CRISPLD1: variants seen among roughly 807,000 people sequenced by gnomAD.
CRISPLD1 encodes the protein cysteine rich secretory protein LCCL domain containing 1, also known as cysteine-rich secretory protein LCCL domain-containing 1.
In CRISPLD1, 60 loss-of-function variants were observed where a neutral mutation model predicts 77.5. The observed-to-expected ratio is 0.77, with a 90% confidence interval of 0.63 to 0.96. CRISPLD1 has a LOEUF of 0.96. CRISPLD1 is among the 40% of genes least tolerant of loss of function. CRISPLD1 has a pLI of 0.00. For synonymous variants in CRISPLD1, 195 were observed against 200.1 expected (o/e 0.97, Z 0.22); for missense variants, 623 against 615.8 (o/e 1.01, Z -0.12).
chr8:75,007,663 CTTTT>C (rs34289550), intron 2 of CRISPLD1, among the ~76,000 whole-genome samples: 1 of 89,320 alleles, frequency 1.1e-5, no homozygotes, highest in African/African-American at 4.8e-5. Context: ...GAACCATCGA[CTTTT>C]TTTTTTTTTT....
chr8:75,027,968 A>G (rs993183090), intron 13 of CRISPLD1, among the ~76,000 whole-genome samples: 4 of 152,214 alleles, frequency 2.6e-5, no homozygotes, highest in African/African-American at 9.6e-5. Flanking sequence ...TGCCTGCTGA[A>G]TCTATAATTG....
intron 13 of CRISPLD1, 86 bp from the exon 14 acceptor site, chr8:75,029,301 C>T (rs1813289744): frequency 7.4e-7 from 1 of 1,355,644 alleles, no homozygotes; most frequent in Non-Finnish European, 1.0e-6. Context: ...ATGTCAGCGA[C>T]TTCAGTCTAT....
At chr8:75,006,644 G>A (rs1812835912) in intron 2 of CRISPLD1, among the ~76,000 whole-genome samples, 1 of 152,020 alleles carries the variant, frequency 6.6e-6, no homozygotes, top group South Asian at 2.1e-4. Context: ...AGCGGTTAGG[G>A]TGTTAAGCTA....
At chr8:75,017,654 C>T (rs902559908) in intron 10 of CRISPLD1, among the ~76,000 whole-genome samples, 3 of 152,064 alleles carry the variant, frequency 2.0e-5, no homozygotes, top group Non-Finnish European at 4.4e-5. Context: ...TTTTAATGGG[C>T]ATGCTAAAAC....
At chr8:75,019,564 G>T (rs915823072) in intron 10 of CRISPLD1, among the ~76,000 whole-genome samples, 16 of 151,860 alleles carry the variant, frequency 1.1e-4, no homozygotes, top group East Asian at 1.9e-4. Context: ...GTATGTGAGG[G>T]TTTTAATTTT....
At chr8:75,014,736 A>G in intron 5 of CRISPLD1, 76 bp from the exon 6 acceptor site, 1 of 901,362 alleles carries the variant, frequency 1.1e-6, no homozygotes, top group East Asian at 2.8e-5. Context: ...GAATGTTCAT[A>G]TATAGTGATG....
intron 4 of CRISPLD1, 103 bp downstream of exon 4, chr8:75,013,125 T>TA: frequency 5.5e-6 from 5 of 906,652 alleles, no homozygotes; most frequent in South Asian, 4.1e-5. Context: ...ATATGGTTAT[T>TA]AAAAAAATTT....
rs1462611797 is a variant in CRISPLD1 at position 75,032,219 on chromosome 8, T to C, written c.1480T>C (p.Phe494Leu). 1 of 1,608,558 alleles carries C rather than the reference T, an allele frequency of 6.2e-7. No individual in the cohort carries two copies. Among genetic ancestry groups the C allele is most frequent in the Non-Finnish European group, 8.5e-7 (1 of 1,176,722 alleles). Residue 494 changes from phenylalanine (F) to leucine (L), a missense_variant, in exon 15 of 15, where the codon TTC becomes CTC. Coordinates refer to ENST00000262207, the MANE Select transcript of CRISPLD1 (RefSeq NM_031461.6). ...ACAGAATCCTCCAGGAGGAAAGGCATTCAGAGTGTTTGCTGTTGTGTGAAA... is the reference window on the plus strand; with the variant it reads ...ACAGAATCCTCCAGGAGGAAAGGCACTCAGAGTGTTTGCTGTTGTGTGAAA... Reference protein sequence around the residue: ...SLQNPPGGKAFRVFAVV With the variant: ...SLQNPPGGKALRVFAVV
chr8:74,988,153 C>T (rs4472488), intron 2 of CRISPLD1, among the ~76,000 whole-genome samples: 66,692 of 151,994 alleles, frequency 0.44, 17,372 homozygotes, highest in African/African-American at 0.74. Context: ...ACATTTAAGG[C>T]GAAGTCTAAA....
intron 2 of CRISPLD1, among the ~76,000 whole-genome samples, chr8:74,994,510 A>G (rs1367906708): frequency 1.3e-5 from 2 of 152,184 alleles, no homozygotes; most frequent in Non-Finnish European, 2.9e-5. Flanking sequence ...GGTTGCAGAG[A>G]TTCCAGAAAT....
intron 1 of CRISPLD1, 24 bp from the exon 2 acceptor site, chr8:74,985,902 T>C: frequency 7.0e-7 from 1 of 1,420,790 alleles, no homozygotes; most frequent in Non-Finnish European, 9.5e-7. Flanking sequence ...ATTTTCATCT[T>C]AATCACATGA....
chr8:75,020,860 C>T (rs1370361987), intron 12 of CRISPLD1, among the ~76,000 whole-genome samples: 4 of 151,924 alleles, frequency 2.6e-5, no homozygotes, highest in African/African-American at 9.7e-5. Context: ...TTCTCTTTTA[C>T]AAGATTATAA....
intron 2 of CRISPLD1, among the ~76,000 whole-genome samples, chr8:75,010,353 C>T (rs761868310): frequency 4.6e-5 from 7 of 151,994 alleles, no homozygotes; most frequent in Non-Finnish European, 8.8e-5. Flanking sequence ...TTCCTTTTGG[C>T]GTATTGACAT....
Position 75,025,610 on chromosome 8 carries a change from GT to G in CRISPLD1, c.1312del (p.Tyr438IlefsTer26). 1 of 1,567,352 alleles carries G rather than the reference GT, an allele frequency of 6.4e-7. No homozygotes were observed. The highest frequency in any genetic ancestry group is 1.1e-5 in the South Asian group (1 of 89,228). On this transcript the variant is annotated frameshift_variant, in exon 13 of 15. Transcript: ENST00000262207. LOFTEE classifies it high-confidence loss of function. The stretch of plus-strand genomic sequence containing the variant: ...TTATGCTCGTGTAATTGGAACTCGA[GT>G]TTATTCTGATGTAAGTATCCTAATT... ...PHYARVIGTR[V>X]YSDLSSICRA...
At chr8:75,011,921 G>A (rs1812938083) in intron 2 of CRISPLD1, among the ~76,000 whole-genome samples, 3 of 152,126 alleles carry the variant, frequency 2.0e-5, no homozygotes, top group Admixed American at 1.3e-4. Flanking sequence ...AAAGCCTTAG[G>A]AGTCCTAAAG....
At chr8:75,000,145 G>A (rs1812714052) in intron 2 of CRISPLD1, 2 of 984,974 alleles carry the variant, frequency 2.0e-6, no homozygotes, top group Admixed American at 6.2e-5. Flanking sequence ...ACAATACAAA[G>A]TAACCACCAG....
chr8:75,020,096 A>G lies in CRISPLD1; in HGVS notation c.1244+17A>G, dbSNP rs773570099. ...TTGCCCAAGGTAAACCAGTGTACACATAGGGGGCTTTGGCCCTGTGATAAC... is the reference window on the plus strand; with the variant it reads ...TTGCCCAAGGTAAACCAGTGTACACGTAGGGGGCTTTGGCCCTGTGATAAC... On this transcript the variant is annotated intron_variant, in intron 12 of 14. Coordinates refer to ENST00000262207, the MANE Select transcript of CRISPLD1 (RefSeq NM_031461.6). 1.9e-6 allele frequency: 3 copies of G among 1,604,956 alleles called. No individual in the cohort carries two copies.
At chr8:75,008,830 C>T (rs930017326) in intron 2 of CRISPLD1, among the ~76,000 whole-genome samples, 7 of 152,034 alleles carry the variant, frequency 4.6e-5, no homozygotes, top group African/African-American at 1.7e-4. Context: ...ATCGGAGTTA[C>T]CTTCTATTTC....
chr8:74,985,881 T>A, intron 1 of CRISPLD1, 45 bp from the exon 2 acceptor site: 2 of 1,273,692 alleles, frequency 1.6e-6, no homozygotes, highest in Non-Finnish European at 2.2e-6. Flanking sequence ...AGAAAATTCA[T>A]ATCTGCTGGA....
Sources: gnomAD v4.1 joint callset for allele counts (sites outside exome capture counted in the v4.1 genomes callset) on GRCh38, gnomAD v4.1.1 for gene constraint, MANE v1.5 for transcripts, NCBI Gene and HGNC (gene_info 2026-07-23, HGNC 2026-07-21) for gene names.